RPS7: variants seen among roughly 807,000 people sequenced by gnomAD.
The protein encoded by RPS7 is small ribosomal subunit protein eS7.
A neutral mutation model predicts 22.1 loss-of-function variants in RPS7; 1 was observed. The ratio of observed to expected loss-of-function variants is 0.05; its 90% confidence interval spans 0.02 to 0.21. RPS7 has a LOEUF of 0.21. RPS7 is among the 10% of genes least tolerant of loss of function. RPS7 has a pLI of 1.00. For synonymous variants in RPS7, 80 were observed against 92.0 expected, an observed-to-expected ratio of 0.87 and a Z score of 0.74; for missense variants, 137 against 246.4, an observed-to-expected ratio of 0.56 and a Z score of 2.97.
At chr2:3,579,834 G>T (rs1031921153) in intron 5 of RPS7, 1 of 544,824 alleles carries the variant, frequency 1.8e-6, no homozygotes, top group African/African-American at 1.9e-5. Context: ...CCTAGAGATG[G>T]TCACTCATTG....
At chr2:3,579,368 G>GTGTAT (rs1450970277) in intron 5 of RPS7, 3 of 152,566 alleles carry the variant, frequency 2.0e-5, no homozygotes, top group Admixed American at 2.0e-4. Flanking sequence ...GATGTTAACT[G>GTGTAT]TGTATATGGG....
intron 5 of RPS7, chr2:3,579,847 T>G: frequency 1.8e-6 from 1 of 559,640 alleles, no homozygotes; most frequent in South Asian, 2.1e-5. Context: ...ACTCATTGCC[T>G]TGGTGAGTTT....
intron 5 of RPS7, chr2:3,578,048 G>T: frequency 2.3e-6 from 1 of 442,092 alleles, no homozygotes; most frequent in Non-Finnish European, 4.1e-6. Flanking sequence ...ATGATGAGAA[G>T]GAAATCATTA....
chr2:3,575,757 T>C, intron 2 of RPS7, 60 bp from the exon 3 acceptor site: 1 of 1,593,760 alleles, frequency 6.3e-7, no homozygotes, highest in Non-Finnish European at 8.6e-7. Context: ...CGCGCGTGTG[T>C]TGGGCCCGGG....
intron 5 of RPS7, chr2:3,579,008 CTA>C (rs775650830): frequency 6.6e-6 from 1 of 152,198 alleles, no homozygotes; most frequent in Non-Finnish European, 1.5e-5. Flanking sequence ...TTCAGTAGAG[CTA>C]TCTTTATCTA....
rs1418288966 is a variant in RPS7 at position 3,577,831 on chromosome 2, T to G, written c.356+57T>G. 55 of 1,147,800 alleles carry G rather than the reference T, an allele frequency of 4.8e-5. No individual in the cohort carries two copies. The East Asian group carries it at 6.6e-4, about 14-fold the overall frequency. The allele number at this position is 1,147,800 out of a possible 1,614,324, so 71.1% of individuals were successfully genotyped here. A position where few individuals can be genotyped will look rare whatever the true frequency, so the allele number is the denominator to read the frequency against. On this transcript the variant is annotated intron_variant, in intron 5 of 6. Coordinates refer to ENST00000645674, the MANE Select transcript of RPS7 (RefSeq NM_001011.4). Reference sequence around the variant, plus strand: ...TACCCCTCTTATTAACAACTCTTAATTTGTTTAAGTTGTAGTTTATGAAAA... The same window carrying G: ...TACCCCTCTTATTAACAACTCTTAAGTTGTTTAAGTTGTAGTTTATGAAAA...
At chr2:3,577,834 G>GT in intron 5 of RPS7, 60 bp downstream of exon 5, 4 of 1,143,474 alleles carry the variant, frequency 3.5e-6, no homozygotes, top group East Asian at 2.3e-5. Flanking sequence ...CTCTTAATTT[G>GT]TTTAAGTTGT....
At chr2:3,576,775 CG>C in intron 4 of RPS7, 145 bp downstream of exon 4, 1 of 1,069,336 alleles carries the variant, frequency 9.4e-7, no homozygotes, top group Admixed American at 1.7e-5. Context: ...GGCAGAGCGC[CG>C]TGGCTTAGGC....
chr2:3,580,205 G>T lies in RPS7; in HGVS notation c.452G>T (p.Ser151Ile), dbSNP rs1461848852. 1.9e-6 allele frequency: 3 copies of T among 1,613,538 alleles called. No individual in the cohort carries two copies. The highest frequency in any genetic ancestry group is 2.5e-6 in the Non-Finnish European group (3 of 1,179,778). The change falls in exon 6 of 7, where the codon AGC becomes ATC. Residue 151 changes from serine to isoleucine, a missense_variant. Ser to Ile is a moderately radical substitution (Grantham distance 142). Transcript: ENST00000645674. The part of the protein sequence containing the change: ...GKRIRVKLDG[S>I]RLIKVHLDKA... Reference sequence around the variant, plus strand: ...AGAATCCGCGTCAAACTAGATGGCAGCCGGCTCATAAAGGTTCATTTGGAC... The same window carrying T: ...AGAATCCGCGTCAAACTAGATGGCATCCGGCTCATAAAGGTTCATTTGGAC...
intron 5 of RPS7, chr2:3,579,233 C>A (rs181628056): frequency 6.6e-6 from 1 of 152,244 alleles, no homozygotes; most frequent in African/African-American, 2.4e-5. Context: ...AATGAATAAT[C>A]CGTTTGTCTT....
intron 1 of RPS7, 120 bp from the exon 2 acceptor site, chr2:3,575,472 C>T: frequency 1.4e-6 from 1 of 701,664 alleles, no homozygotes; most frequent in Non-Finnish European, 2.5e-6. Context: ...CGATTACCCG[C>T]CCTGTGCTTT....
chr2:3,575,718 G>T (rs985470131), intron 2 of RPS7, 34 bp downstream of exon 2: 1 of 1,597,066 alleles, frequency 6.3e-7, no homozygotes. Flanking sequence ...GGGGTGGGGG[G>T]AGGCGCCCCG....
At chr2:3,575,403 A>C (rs1488825042) in intron 1 of RPS7, 53 bp downstream of exon 1, 1 of 581,532 alleles carries the variant, frequency 1.7e-6, no homozygotes, top group African/African-American at 2.0e-5. Flanking sequence ...GTTGAGGAAA[A>C]CGCCTTTTGG....
At position 3,575,304 on chromosome 2, in the gene RPS7, G is replaced by T; in HGVS notation, c.-65G>T. The T allele has an allele frequency of 6.7e-6, 3 of 449,596 alleles. No individual in the cohort carries two copies. Among genetic ancestry groups the T allele is most frequent in the East Asian group, 4.3e-5 (1 of 23,330 alleles). 27.9% of individuals were successfully genotyped at this position (449,596 alleles called of 1,614,324 possible). A position where few individuals can be genotyped will look rare whatever the true frequency, so the allele number is the denominator to read the frequency against. On this transcript the variant is annotated 5_prime_UTR_variant, in exon 1 of 7. Transcript: ENST00000645674. Reference sequence around the variant, plus strand: ...TTGCCTTCGGACGCCGGATTTTGACGTGCTCTCGCGAGATTTGGGTCTCTT... The same window carrying T: ...TTGCCTTCGGACGCCGGATTTTGACTTGCTCTCGCGAGATTTGGGTCTCTT...
At position 3,575,559 on chromosome 2, in the gene RPS7, C is replaced by G. The variant is rs770722369; in HGVS notation, c.-18-33C>G. On this transcript the variant is annotated intron_variant, in intron 1 of 6. Transcript: ENST00000645674. ...GGGCGAGCCAGCGGCGCCTGCAGCC[C>G]GGGCCGCGTAACGCTGACCGCTGTG... The G allele has an allele frequency of 1.1e-5, 16 of 1,523,632 alleles. No homozygotes were observed. The South Asian group carries it at 1.8e-4, about 17-fold the overall frequency. The allele number at this position is 1,523,632 out of a possible 1,614,324, so 94.4% of individuals were successfully genotyped here.
intron 5 of RPS7, chr2:3,578,931 C>A (rs1661344243): frequency 6.6e-6 from 1 of 152,238 alleles, no homozygotes; most frequent in Admixed American, 6.5e-5. Flanking sequence ...CTAAGCCTAG[C>A]TGGTAGGTCA....
Position 3,575,357 on chromosome 2 carries a change from T to A in RPS7, c.-19+7T>A. 1.8e-6 allele frequency: 1 copy of A among 545,848 alleles called. No individual in the cohort carries two copies. 33.8% of individuals were successfully genotyped at this position (545,848 alleles called of 1,614,324 possible). A position where few individuals can be genotyped will look rare whatever the true frequency, so the allele number is the denominator to read the frequency against. On this transcript the variant is annotated splice_region_variant and intron_variant, in intron 1 of 6. Coordinates refer to ENST00000645674, the MANE Select transcript of RPS7 (RefSeq NM_001011.4). ...TAAGCCGGCGCTCGGCAAGGTAGGT[T>A]GGCGGCCTGCTCTCCGACAGAACTT...
chr2:3,577,361 T>G (rs1661303888), intron 4 of RPS7: 1 of 246,020 alleles, frequency 4.1e-6, no homozygotes, highest in South Asian at 5.3e-5. Flanking sequence ...CTGTTACAGT[T>G]CGGATGGGGG....
intron 4 of RPS7, chr2:3,577,238 A>G: frequency 5.6e-6 from 1 of 177,338 alleles, no homozygotes; most frequent in Admixed American, 5.5e-5. Flanking sequence ...CGGGAGGCTG[A>G]GGCAGGAGAA....
Sources: allele counts gnomAD v4.1 joint callset, GRCh38; gene constraint gnomAD v4.1.1; transcripts MANE v1.5; gene names NCBI Gene and HGNC (gene_info 2026-07-23, HGNC 2026-07-21).